Variants in CUX1 observed in about 807,000 individuals in gnomAD.
CUX1 encodes the protein protein CASP.
In CUX1, 31 loss-of-function variants were observed where a neutral mutation model predicts 158.8. The observed-to-expected ratio is 0.20, with a 90% confidence interval of 0.15 to 0.26. The LOEUF (loss-of-function observed/expected upper bound fraction) is 0.26, where lower values mean the gene tolerates loss of function less well. CUX1 is among the 10% of genes least tolerant of loss of function. CUX1 has a pLI of 1.00. For synonymous variants in CUX1, 879 were observed against 862.1 expected (o/e 1.02, Z -0.34); for missense variants, 1,589 against 2,014.6 (o/e 0.79, Z 4.04).
chr7:102,110,170 A>G (rs553489103), intron 6 of CUX1, among the ~76,000 whole-genome samples: 1 of 152,334 alleles, frequency 6.6e-6, no homozygotes, highest in East Asian at 1.9e-4. Context: ...TATTCATATT[A>G]CACTATAGTA....
At position 102,084,245 on chromosome 7, in the gene CUX1, T is replaced by C. The variant is rs140334001; in HGVS notation, c.269-13119T>C. 7.5e-4 allele frequency among the ~76,000 whole-genome samples: 102 copies of C among 135,978 alleles called. 6 individuals carry two copies. The highest frequency in any genetic ancestry group is 2.4e-3 in the African/African-American group (98 of 40,014). The allele number at this position is 135,978 out of a possible 152,430, so 89.2% of individuals were successfully genotyped here. A position where few individuals can be genotyped will look rare whatever the true frequency, so the allele number is the denominator to read the frequency against. ...TTATACAGAAATATAATGAATTTCA[T>C]ATATTATATAATTTTTACATTTTAA... On this transcript the variant is annotated intron_variant, in intron 4 of 23. Coordinates refer to ENST00000292535, the MANE Select transcript of CUX1 (RefSeq NM_181552.4).
At chr7:102,084,858 CTTTTT>C (rs60908109) in intron 4 of CUX1, among the ~76,000 whole-genome samples, 13 of 56,050 alleles carry the variant, frequency 2.3e-4, no homozygotes, top group African/African-American at 7.3e-4. Context: ...ATTTTCCTTG[CTTTTT>C]TTTTTTTTTT....
intron 1 of CUX1, among the ~76,000 whole-genome samples, chr7:101,862,561 C>T (rs1797568263): frequency 6.6e-6 from 1 of 152,160 alleles, no homozygotes; most frequent in South Asian, 2.1e-4. Flanking sequence ...TGGCTCAGAA[C>T]CTGCCCCCTT....
At chr7:102,266,218 AAAG>A (rs1477470577) in intron 14 of CUX1, among the ~76,000 whole-genome samples, 3 of 150,332 alleles carry the variant, frequency 2.0e-5, no homozygotes, top group Non-Finnish European at 3.0e-5. Flanking sequence ...AAAAAAAAAA[AAAG>A]AGAGAGAGAG....
In CUX1 at chr7:102,254,624, C is replaced by T. The variant is rs934252802; in HGVS notation, c.*5582C>T. On this transcript the variant is annotated 3_prime_UTR_variant, in exon 24 of 24. Coordinates refer to ENST00000292535, the MANE Select transcript of CUX1 (RefSeq NM_181552.4). ...AGAACCTAAGGATGGGGACAGCATC[C>T]TGTGCTTGGGCATTGACCAGCCAAA... 3 of 985,386 alleles carry T rather than the reference C, an allele frequency of 3.0e-6. No homozygotes were observed. The highest frequency in any genetic ancestry group is 3.6e-6 in the Non-Finnish European group (3 of 829,980). The allele number at this position is 985,386 out of a possible 1,614,324, so 61.0% of individuals were successfully genotyped here. A position where few individuals can be genotyped will look rare whatever the true frequency, so the allele number is the denominator to read the frequency against.
chr7:102,084,323 T>C (rs1251970337), intron 4 of CUX1, among the ~76,000 whole-genome samples: 1 of 149,118 alleles, frequency 6.7e-6, no homozygotes, highest in Non-Finnish European at 1.5e-5. Flanking sequence ...GTTTATATAA[T>C]AATAATATAG....
intron 2 of CUX1, among the ~76,000 whole-genome samples, chr7:102,006,373 G>A (rs60647889): frequency 0.042 from 6,344 of 152,148 alleles, 451 homozygotes; most frequent in African/African-American, 0.14. Flanking sequence ...ATCTCATCTC[G>A]GTAGAATGGA....
chr7:102,011,846 C>T (rs1191986763), intron 2 of CUX1, among the ~76,000 whole-genome samples: 5 of 151,820 alleles, frequency 3.3e-5, no homozygotes, highest in South Asian at 2.1e-4. Context: ...TATTTTGAGA[C>T]GGAATTTCGG....
intron 16 of CUX1, 60 bp from the exon 17 acceptor site, chr7:102,200,011 C>T: frequency 7.0e-7 from 1 of 1,425,908 alleles, no homozygotes; most frequent in East Asian, 2.4e-5. Flanking sequence ...CGTCTTCGCG[C>T]AGCGCTGATT....
intron 22 of CUX1, among the ~76,000 whole-genome samples, chr7:102,237,932 G>A (rs186970704): frequency 1.7e-4 from 26 of 152,322 alleles, no homozygotes; most frequent in African/African-American, 5.3e-4. Context: ...CCTGGCAGCC[G>A]AGGCAGAGAG....
At chr7:102,167,211 TG>T (rs1274693271) in intron 9 of CUX1, among the ~76,000 whole-genome samples, 1 of 149,876 alleles carries the variant, frequency 6.7e-6, no homozygotes, top group Non-Finnish European at 1.5e-5. Flanking sequence ...GAGGTTGCAG[TG>T]AGCCAAAATC....
Position 102,178,385 on chromosome 7 carries a change from T to G in CUX1, c.829-84T>G, listed in dbSNP as rs1407127740. 4 of 1,313,178 alleles carry G rather than the reference T, an allele frequency of 3.0e-6. No homozygotes were observed. In the African/African-American group the frequency reaches 4.4e-5, roughly 14 times the overall value. The allele number at this position is 1,313,178 out of a possible 1,614,324, so 81.3% of individuals were successfully genotyped here. ...ATCCACACACTGACATCTGTGCAGC[T>G]TCTGTCTCAGTTGCCAGCACAGGTA... On this transcript the variant is annotated intron_variant, in intron 10 of 23. Coordinates refer to ENST00000292535, the MANE Select transcript of CUX1 (RefSeq NM_181552.4).
chr7:102,185,596 G>C (rs10255251), intron 11 of CUX1, among the ~76,000 whole-genome samples: 1 of 148,538 alleles, frequency 6.7e-6, no homozygotes. Flanking sequence ...ATGTTTTGGG[G>C]TTTTTTTTTT....
At position 101,913,312 on chromosome 7, in the gene CUX1, G is replaced by A. The variant is rs559172465; in HGVS notation, c.31-2803G>A. The stretch of plus-strand genomic sequence containing the variant: ...GGTGTTAAATTTGGAGACCCCCGTG[G>A]GTTTCCCATGCCGACCTGCATATGT... On this transcript the variant is annotated intron_variant, in intron 1 of 23. Transcript: ENST00000292535. The A allele has an allele frequency of 2.0e-5, 25 of 1,242,086 alleles. 1 individual carries two copies. The South Asian group carries it at 3.2e-4, about 16-fold the overall frequency. 76.9% of individuals were successfully genotyped at this position (1,242,086 alleles called of 1,614,324 possible). A position where few individuals can be genotyped will look rare whatever the true frequency, so the allele number is the denominator to read the frequency against.
At chr7:102,155,075 C>G (rs1836117619) in intron 8 of CUX1, among the ~76,000 whole-genome samples, 1 of 152,150 alleles carries the variant, frequency 6.6e-6, no homozygotes. Context: ...ATACGCAGGA[C>G]CTAAGCCTGC....
At chr7:101,904,172 C>T (rs938728937) in intron 1 of CUX1, among the ~76,000 whole-genome samples, 60 of 151,762 alleles carry the variant, frequency 4.0e-4, no homozygotes, top group South Asian at 2.3e-3. Flanking sequence ...TGGTGGCACG[C>T]GCCCGTAATC....
At chr7:102,195,733 G>A (rs1004877092) in intron 14 of CUX1, 130 bp downstream of exon 14, 1 of 782,220 alleles carries the variant, frequency 1.3e-6, no homozygotes, top group Admixed American at 2.6e-5. Context: ...GAGAACCTTT[G>A]ACTAACGCGT....
chr7:101,880,624 G>A (rs1799615023), intron 1 of CUX1, among the ~76,000 whole-genome samples: 2 of 152,216 alleles, frequency 1.3e-5, no homozygotes, highest in South Asian at 4.1e-4. Context: ...AGCTGGTAGT[G>A]TACTTTAACC....
Position 102,202,043 on chromosome 7 carries a change from A to G in CUX1, c.2746A>G (p.Ile916Val), listed in dbSNP as rs2132039714. 1.9e-6 allele frequency: 3 copies of G among 1,614,002 alleles called. No individual in the cohort carries two copies. Among genetic ancestry groups the G allele is most frequent in the Non-Finnish European group, 2.5e-6 (3 of 1,179,992 alleles). The change falls in exon 18 of 24, where the codon ATC (isoleucine) becomes GTC (valine). Residue 916 changes from isoleucine to valine, a missense_variant. Around this residue, in one of 8 missense-constraint regions of CUX1, gnomAD observed 337 missense variants for 409.3 expected, o/e 0.82. Transcript: ENST00000292535. ...PQNSPLPSSP[I>V]VPMSKPTKPS... is the part of the protein sequence containing the mutation. ...GAACAGCCCCCTGCCATCCTCCCCG[A>G]TCGTGCCCATGTCCAAGCCCACCAA...
Sources: allele counts gnomAD v4.1 joint callset (sites outside exome capture counted in the v4.1 genomes callset), GRCh38; gene constraint gnomAD v4.1.1; regional missense constraint gnomAD v4.1.1; transcripts MANE v1.5; gene names NCBI Gene and HGNC (gene_info 2026-07-23, HGNC 2026-07-21).